Variants in PLG observed in about 807,000 individuals in gnomAD.
PLG encodes the protein plasmin.
PLG carries 41 observed loss-of-function variants against 104.4 expected under a neutral mutation model. The ratio of observed to expected loss-of-function variants is 0.39; its 90% CI spans 0.31 to 0.51. PLG has a LOEUF of 0.51. Ranked by LOEUF, PLG falls within the 20% of genes least tolerant of loss-of-function variation. PLG has a pLI of 0.76. For synonymous variants in PLG, 337 were observed against 357.1 expected (o/e 0.94, Z 0.63); for missense variants, 891 against 1,003.6 (o/e 0.89, Z 1.52).
At position 160,732,222 on chromosome 6, in the gene PLG, A is replaced by T. The variant is rs1287825958; in HGVS notation, c.1587+329A>T. ...GTATGCTAGGTTCCAGTAATCAAAG[A>T]TGCCCTTTATGAAATTTAAGTCAGA... On this transcript the variant is annotated intron_variant, in intron 12 of 18. Coordinates refer to ENST00000308192, the MANE Select transcript of PLG (RefSeq NM_000301.5). This position sits in a 1 kb window ranked among gnomAD's most constrained non-coding sequence, Gnocchi z 4.5. Among the ~76,000 whole-genome samples the T allele has an allele frequency of 1.3e-5, 2 of 152,118 alleles. No individual in the cohort carries two copies. The highest frequency in any genetic ancestry group is 2.4e-5 in the African/African-American group (1 of 41,384).
chr6:160,715,096 T>C (rs1314916118), intron 6 of PLG, among the ~76,000 whole-genome samples, 182 bp downstream of exon 6: 1 of 152,242 alleles, frequency 6.6e-6, no homozygotes, highest in African/African-American at 2.4e-5. Context: ...GCTCAAAATA[T>C]GGTCCACGGG....
chr6:160,730,704 T>C (rs1777985678), intron 10 of PLG: 1 of 270,194 alleles, frequency 3.7e-6, no homozygotes, highest in African/African-American at 2.2e-5. Flanking sequence ...AAATATAAAA[T>C]ATGCACTTTA....
chr6:160,730,722 T>A (rs1292663943), intron 10 of PLG: 1 of 292,520 alleles, frequency 3.4e-6, no homozygotes, highest in Non-Finnish European at 6.6e-6. Context: ...TTAAAATCTG[T>A]ACCTGTTATT....
Position 160,713,005 on chromosome 6 carries a change from C to T in PLG, c.427C>T (p.Pro143Ser), listed in dbSNP as rs751122910. The change falls in exon 5 of 19, where the codon CCC (proline) becomes TCC (serine). Residue 143 changes from proline to serine, a missense_variant. Physicochemically the swap from Pro to Ser is moderately conservative, Grantham distance 74 (BLOSUM62 -1). Coordinates refer to ENST00000308192, the MANE Select transcript of PLG (RefSeq NM_000301.5). The part of the protein sequence containing the change: ...HRPRFSPATH[P>S]SEGLEENYCR... ...CCCCAGATTCTCACCTGCTACACAC[C>T]CCTCAGAGGGACTGGAGGAGAACTA... The T allele has an allele frequency of 5.0e-5, 80 of 1,609,056 alleles. No individual in the cohort carries two copies. Among genetic ancestry groups the T allele is most frequent in the Non-Finnish European group, 6.5e-5 (76 of 1,177,298 alleles).
In PLG at chr6:160,718,000, C is replaced by T. The variant is rs564642698; in HGVS notation, c.788-294C>T. On this transcript the variant is annotated intron_variant, in intron 7 of 18. Coordinates refer to ENST00000308192, the MANE Select transcript of PLG (RefSeq NM_000301.5). The stretch of plus-strand genomic sequence containing the variant: ...GGCACGGTGGCTCACGCCTGTAATC[C>T]CAGCACTTCCGGAGGCCGAGGTGGG... 3.9e-5 allele frequency among the ~76,000 whole-genome samples: 6 copies of T among 152,262 alleles called. No homozygotes were observed. In the South Asian group the frequency reaches 1.2e-3, roughly 32 times the overall value.
Position 160,739,339 on chromosome 6 carries a change from G to A in PLG, c.2018+131G>A, listed in dbSNP as rs959595456. ...ATCACATGAAAGGCTCAAGGGCTTT[G>A]GGGACAGCATCAATCTTCAACCCTA... On this transcript the variant is annotated intron_variant, in intron 16 of 18. Transcript: ENST00000308192. The surrounding 1 kb of genome is among the most constrained non-coding windows in gnomAD (Gnocchi z 4.4). 41 of 1,193,528 alleles carry A rather than the reference G, an allele frequency of 3.4e-5. No homozygotes were observed. Among genetic ancestry groups the A allele is most frequent in the Non-Finnish European group, 4.8e-5 (39 of 811,248 alleles). 73.9% of individuals were successfully genotyped at this position (1,193,528 alleles called of 1,614,324 possible). A position where few individuals can be genotyped will look rare whatever the true frequency, so the allele number is the denominator to read the frequency against.
chr6:160,728,682 C>T (rs1582942858), intron 10 of PLG, among the ~76,000 whole-genome samples: 1 of 152,024 alleles, frequency 6.6e-6, no homozygotes, highest in Non-Finnish European at 1.5e-5. Context: ...GTGAAACAAT[C>T]GGATATCCAT....
intron 1 of PLG, 31 bp from the exon 2 acceptor site, chr6:160,706,376 C>G: frequency 6.2e-7 from 1 of 1,611,098 alleles, no homozygotes; most frequent in South Asian, 1.1e-5. Context: ...ATTTACTGAC[C>G]ATTTATTCCA....
chr6:160,706,857 G>A (rs1777537357), intron 2 of PLG, among the ~76,000 whole-genome samples: 1 of 151,858 alleles, frequency 6.6e-6, no homozygotes, highest in Non-Finnish European at 1.5e-5. Flanking sequence ...GAATGAAAGT[G>A]TCCTAGATAG....
At chr6:160,750,989 C>T (rs550678400) in intron 17 of PLG, among the ~76,000 whole-genome samples, 6,859 of 152,208 alleles carry the variant, frequency 0.045, 362 homozygotes, top group African/African-American at 0.12. Flanking sequence ...TGTTCACTCT[C>T]CCTAATTGTC....
At position 160,706,135 on chromosome 6, in the gene PLG, C is replaced by CT. The variant is rs575807859; in HGVS notation, c.50-271dup. Reference sequence around the variant, plus strand: ...ACCCAGGTAGTGAGCTAAATACCTACTAAATAGGTAGTTTTTCAGCCCTTG... The same window carrying CT: ...ACCCAGGTAGTGAGCTAAATACCTACTTAAATAGGTAGTTTTTCAGCCCTTG... On this transcript the variant is annotated intron_variant, in intron 1 of 18. Transcript: ENST00000308192. 820 of 489,568 alleles carry CT rather than the reference C, an allele frequency of 1.7e-3. 2 individuals are homozygous for CT. Among genetic ancestry groups the CT allele is most frequent in the Middle Eastern group, 0.013 (22 of 1,646 alleles). The allele number at this position is 489,568 out of a possible 1,614,324, so 30.3% of individuals were successfully genotyped here.
chr6:160,711,707 G>T, intron 4 of PLG: 2 of 1,608,188 alleles, frequency 1.2e-6, no homozygotes, highest in South Asian at 1.1e-5. Context: ...AGAATGCCTA[G>T]TTTAAAAAAA....
chr6:160,743,610 G>T (rs371703738), intron 17 of PLG, among the ~76,000 whole-genome samples: 1 of 152,190 alleles, frequency 6.6e-6, no homozygotes, highest in African/African-American at 2.4e-5. Context: ...TGCCAACAGG[G>T]ATCGTTTGAT....
chr6:160,734,619 G>A lies in PLG; in HGVS notation c.1681+531G>A, dbSNP rs1172290878. Among the ~76,000 whole-genome samples, 3 of 152,056 alleles carry A rather than the reference G, an allele frequency of 2.0e-5. No individual in the cohort carries two copies. The highest frequency in any genetic ancestry group is 7.2e-5 in the African/African-American group (3 of 41,420). On this transcript the variant is annotated intron_variant, in intron 13 of 18. Coordinates refer to ENST00000308192, the MANE Select transcript of PLG (RefSeq NM_000301.5). This position sits in a 1 kb window ranked among gnomAD's most constrained non-coding sequence, Gnocchi z 4.4. Reference sequence around the variant, plus strand: ...AGTCACATTAGTGACATAGCTTAGAGACTGCTTGTTGGGTTCCATCCTCAT... The same window carrying A: ...AGTCACATTAGTGACATAGCTTAGAAACTGCTTGTTGGGTTCCATCCTCAT...
rs1778290522 is a variant in PLG, at chr6:160,747,163, G to A, written c.2126-4952G>A. ...CCCACATGTCTAATGTAAGTGGGAT[G>A]GTGTTAAACAGGGGACCTACAACTG... On this transcript the variant is annotated intron_variant, in intron 17 of 18. Transcript: ENST00000308192. 2.0e-5 allele frequency among the ~76,000 whole-genome samples: 3 copies of A among 152,226 alleles called. 1 individual carries two copies. The highest frequency in any genetic ancestry group is 2.1e-4 in the South Asian group (1 of 4,836).
rs4252153 is a variant in PLG, at chr6:160,738,391, T to C, written c.1803-147T>C. Reference sequence around the variant, plus strand: ...CTCCTGGAGCACTGGCCAAAATTACTACCATCCTGATGCTGGGCTTGCAGT... The same window carrying C: ...CTCCTGGAGCACTGGCCAAAATTACCACCATCCTGATGCTGGGCTTGCAGT... On this transcript the variant is annotated intron_variant, in intron 14 of 18. Transcript: ENST00000308192. The surrounding 1 kb of genome is among the most constrained non-coding windows in gnomAD (Gnocchi z 6.8). The C allele has an allele frequency of 1.7e-3, 1,196 of 691,628 alleles. 12 individuals are homozygous for C. The African/African-American group carries it at 0.019, about 11-fold the overall frequency. 42.8% of individuals were successfully genotyped at this position (691,628 alleles called of 1,614,324 possible). A position where few individuals can be genotyped will look rare whatever the true frequency, so the allele number is the denominator to read the frequency against.
In PLG at chr6:160,731,848, C is replaced by G. The variant is rs1778005166; in HGVS notation, c.1542C>G (p.Ser514Arg). 1 of 1,614,116 alleles carries G rather than the reference C, an allele frequency of 6.2e-7. No individual in the cohort carries two copies. Among genetic ancestry groups the G allele is most frequent in the Middle Eastern group, 1.6e-4 (1 of 6,062 alleles). The change falls in exon 12 of 19, where the codon AGC becomes AGG. Residue 514 changes from serine (S) to arginine (R), a missense_variant. By Grantham distance (110) the Ser-to-Arg change is moderately radical. This residue lies in a region of PLG where 854 missense variants were observed against 932.1 expected (regional missense o/e 0.92). Transcript: ENST00000308192. This position sits in a 1 kb window ranked among gnomAD's most constrained non-coding sequence, Gnocchi z 5.1. ...DWAAQEPHRH[S>R]IFTPETNPRA... Reference sequence around the variant, plus strand: ...CTGCCCAGGAGCCCCATAGACACAGCATTTTCACTCCAGAGACAAATCCAC... The same window carrying G: ...CTGCCCAGGAGCCCCATAGACACAGGATTTTCACTCCAGAGACAAATCCAC...
Position 160,713,255 on chromosome 6 carries a change from AC to A in PLG, c.547+134del, listed in dbSNP as rs149432077. On this transcript the variant is annotated intron_variant, in intron 5 of 18. Coordinates refer to ENST00000308192, the MANE Select transcript of PLG (RefSeq NM_000301.5). ...TATTCACCTCTCGGAAAGAAGCAAA[AC>A]CCCAGAATTAACCTGAATTTTTTTT... 9.6e-3 allele frequency: 7,783 copies of A among 811,264 alleles called. 341 individuals are homozygous for A. In the African/African-American group the frequency reaches 0.11, roughly 11 times the overall value. 50.3% of individuals were successfully genotyped at this position (811,264 alleles called of 1,614,324 possible). A position where few individuals can be genotyped will look rare whatever the true frequency, so the allele number is the denominator to read the frequency against.
rs770222035 is a variant in PLG at position 160,731,051 on chromosome 6, T to C, written c.1257T>C (p.Ala419=). Residue 419 remains alanine, a splice_region_variant and synonymous_variant, in exon 11 of 19, where the codon GCT becomes GCC. Transcript: ENST00000308192. This position sits in a 1 kb window ranked among gnomAD's most constrained non-coding sequence, Gnocchi z 5.1. ...ACCTGTATTGTTTTGGAATTTCCAG[T>C]GGCCTGACAATGAACTACTGCAGGA... is the stretch of plus-strand genomic sequence containing the variant. ...HQKTPENYPN[A]GLTMNYCRNP... 3 of 1,613,716 alleles carry C rather than the reference T, an allele frequency of 1.9e-6. No individual in the cohort carries two copies. Among genetic ancestry groups the C allele is most frequent in the Admixed American group, 1.7e-5 (1 of 59,996 alleles).
Sources: allele counts gnomAD v4.1 joint callset (sites outside exome capture counted in the v4.1 genomes callset), GRCh38; gene constraint gnomAD v4.1.1; regional missense constraint gnomAD v4.1.1; non-coding constraint Gnocchi (gnomAD v3.1); transcripts MANE v1.5; gene names NCBI Gene and HGNC (gene_info 2026-07-23, HGNC 2026-07-21).